The following ZNF10 variants were observed in gnomAD, a reference collection of about 807,000 sequenced individuals.
The protein encoded by ZNF10 is zinc finger protein 10.
A neutral mutation model predicts 12.2 loss-of-function variants in ZNF10; 8 were observed. That is an observed-to-expected ratio of 0.66 (90% CI 0.39 to 1.18). The LOEUF is 1.18. Ranked by LOEUF, ZNF10 falls within the 50% of genes most tolerant of loss-of-function variation. The pLI, the probability that ZNF10 is intolerant of heterozygous loss-of-function variation, is 0.01. For missense variants in ZNF10, 603 were observed against 678.9 expected (o/e 0.89, Z 1.24); for synonymous variants, 229 against 228.2 (o/e 1.00, Z -0.03).
intron 1 of ZNF10, 167 bp downstream of exon 1, chr12:133,130,921 C>T (rs992313050): frequency 1.3e-5 from 2 of 152,218 alleles, no homozygotes; most frequent in East Asian, 3.9e-4. Flanking sequence ...ACTTTCTGTC[C>T]CTCGCGCGGC....
rs374860643 is a variant in ZNF10, at chr12:133,151,917, C to G, written c.256+13C>G. On this transcript the variant is annotated intron_variant, in intron 4 of 4. Transcript: ENST00000248211. Reference sequence around the variant, plus strand: ...GAGACCCATCCTGGTGAGGACCAGTCAAGAGTTGTCATAGGCAGCAGCCCA... The same window carrying G: ...GAGACCCATCCTGGTGAGGACCAGTGAAGAGTTGTCATAGGCAGCAGCCCA... The G allele has an allele frequency of 6.2e-6, 10 of 1,609,316 alleles. No individual in the cohort carries two copies. In the African/African-American group the frequency reaches 1.2e-4, roughly 19 times the overall value.
rs1956045867 is a variant in ZNF10 at position 133,156,865 on chromosome 12, C to G, written c.1619C>G (p.Thr540Ser). The G allele has an allele frequency of 6.6e-7, 1 of 1,525,332 alleles. No homozygotes were observed. The highest frequency in any genetic ancestry group is 8.8e-7 in the Non-Finnish European group (1 of 1,139,682). 94.5% of individuals were successfully genotyped at this position (1,525,332 alleles called of 1,614,324 possible). A position where few individuals can be genotyped will look rare whatever the true frequency, so the allele number is the denominator to read the frequency against. ...TTTATAGTTCATCAAATAGCTCACA[C>G]TGGAGAGCAGTTCTTAACATGCAAT... The part of the protein sequence containing the change: ...SPFIVHQIAH[T>S]GEQFLTCNQC... Residue 540 changes from threonine (T) to serine (S), a missense_variant, in exon 5 of 5, where the codon ACT becomes AGT. By Grantham distance (58) the Thr-to-Ser change is moderately conservative (BLOSUM62 1). This residue lies in a region of ZNF10 where 204 missense variants were observed against 262.8 expected (regional missense o/e 0.78). Coordinates refer to ENST00000248211, the MANE Select transcript of ZNF10 (RefSeq NM_015394.5).
At chr12:133,151,988 C>A in intron 4 of ZNF10, 84 bp downstream of exon 4, 1 of 1,044,846 alleles carries the variant, frequency 9.6e-7, no homozygotes, top group Non-Finnish European at 1.4e-6. Context: ...TGGTCACTGG[C>A]CCTCCTCACA....
intron 1 of ZNF10, among the ~76,000 whole-genome samples, chr12:133,141,816 A>C (rs557638180): frequency 5.3e-4 from 80 of 152,288 alleles, no homozygotes; most frequent in African/African-American, 1.9e-3. Flanking sequence ...TAATGAAACT[A>C]TAAACCCGCA....
Position 133,156,622 on chromosome 12 carries a change from A to G in ZNF10, c.1376A>G (p.Lys459Arg), listed in dbSNP as rs776245582. Residue 459 changes from lysine (K) to arginine (R), a missense_variant, in exon 5 of 5, where the codon AAA becomes AGA. Coordinates refer to ENST00000248211, the MANE Select transcript of ZNF10 (RefSeq NM_015394.5). ...CATCAAAGAACCCACACTGGAGAGA[A>G]ACCATATGAGTGTCATGATTGTGGA... ...YSHQRTHTGEKPYECHDCGKS... is the reference protein window; with the variant it reads ...YSHQRTHTGERPYECHDCGKS... 2 of 1,614,136 alleles carry G rather than the reference A, an allele frequency of 1.2e-6. No individual in the cohort carries two copies. Among genetic ancestry groups the G allele is most frequent in the South Asian group, 2.2e-5 (2 of 91,080 alleles).
intron 1 of ZNF10, chr12:133,139,391 T>C (rs139735819): frequency 6.6e-6 from 1 of 152,290 alleles, no homozygotes; most frequent in Non-Finnish European, 1.5e-5. Flanking sequence ...ACCATAGTTA[T>C]AGGGAAATGT....
intron 1 of ZNF10, among the ~76,000 whole-genome samples, chr12:133,138,384 G>C (rs1955924680): frequency 7.3e-6 from 1 of 136,926 alleles, no homozygotes; most frequent in South Asian, 2.4e-4. Context: ...TTGAGACCCT[G>C]TCTAAAAAAA....
chr12:133,132,060 AT>A (rs1955881764), intron 1 of ZNF10, among the ~76,000 whole-genome samples: 1 of 152,202 alleles, frequency 6.6e-6, no homozygotes, highest in South Asian at 2.1e-4. Context: ...TAATAGATTG[AT>A]TGCCGTCCTC....
chr12:133,154,074 T>TTCTGA (rs1256115225), intron 4 of ZNF10, among the ~76,000 whole-genome samples: 1 of 151,296 alleles, frequency 6.6e-6, no homozygotes, highest in Non-Finnish European at 1.5e-5. Flanking sequence ...TATGGTCATA[T>TTCTGA]TCTGAGATAC....
rs771679845 is a variant in ZNF10, at chr12:133,151,062, T to TA, written c.68_69insA (p.Phe23LeufsTer26). On this transcript the variant is annotated frameshift_variant, in exon 3 of 5. Transcript: ENST00000248211. LOFTEE classifies it high-confidence loss of function. ...ACCTTCAAGGATGTATTTGTGGACT[T>TA]CACCAGGGAGGAGTGGAAGCTGCTG... 5.6e-6 allele frequency: 9 copies of TA among 1,613,332 alleles called. No individual in the cohort carries two copies. Among genetic ancestry groups the TA allele is most frequent in the Non-Finnish European group, 6.8e-6 (8 of 1,179,408 alleles).
At chr12:133,147,598 T>A (rs1427139077) in intron 2 of ZNF10, among the ~76,000 whole-genome samples, 1 of 149,814 alleles carries the variant, frequency 6.7e-6, no homozygotes, top group Non-Finnish European at 1.5e-5. Flanking sequence ...AAAACTAGTC[T>A]GTTTTCTGAG....
intron 1 of ZNF10, among the ~76,000 whole-genome samples, chr12:133,142,509 A>G (rs1048247821): frequency 6.6e-6 from 1 of 152,176 alleles, no homozygotes; most frequent in Non-Finnish European, 1.5e-5. Flanking sequence ...CAACTCAACA[A>G]TACACACAGC....
At chr12:133,135,622 T>TA (rs1435539485) in intron 1 of ZNF10, among the ~76,000 whole-genome samples, 1 of 152,188 alleles carries the variant, frequency 6.6e-6, no homozygotes, top group Non-Finnish European at 1.5e-5. Flanking sequence ...TTCTGACTCT[T>TA]ACCCCTTGTT....
At chr12:133,131,835 TAAATG>T (rs1955879491) in intron 1 of ZNF10, among the ~76,000 whole-genome samples, 2 of 152,338 alleles carry the variant, frequency 1.3e-5, no homozygotes, top group South Asian at 4.1e-4. Flanking sequence ...CATCATAAAT[TAAATG>T]AGAATTTCTG....
chr12:133,156,859 C>T lies in ZNF10; in HGVS notation c.1613C>T (p.Ala538Val). The T allele has an allele frequency of 6.5e-7, 1 of 1,527,934 alleles. No homozygotes were observed. Among genetic ancestry groups the T allele is most frequent in the Non-Finnish European group, 8.8e-7 (1 of 1,141,094 alleles). The allele number at this position is 1,527,934 out of a possible 1,614,324, so 94.6% of individuals were successfully genotyped here. Residue 538 changes from alanine to valine, a missense_variant, in exon 5 of 5, where the codon GCT becomes GTT. Ala to Val is a moderately conservative substitution (Grantham distance 64, BLOSUM62 0). This residue lies in a region of ZNF10 where 204 missense variants were observed against 262.8 expected (regional missense o/e 0.78). Coordinates refer to ENST00000248211, the MANE Select transcript of ZNF10 (RefSeq NM_015394.5). ...QNSPFIVHQI[A>V]HTGEQFLTCN... ...TCTCCATTTATAGTTCATCAAATAG[C>T]TCACACTGGAGAGCAGTTCTTAACA...
intron 1 of ZNF10, among the ~76,000 whole-genome samples, chr12:133,141,948 C>T (rs1330592035): frequency 6.6e-6 from 1 of 152,040 alleles, no homozygotes; most frequent in African/African-American, 2.4e-5. Context: ...AAGGAAAATA[C>T]ATGCTATATA....
chr12:133,139,879 A>G (rs186301244), intron 1 of ZNF10, among the ~76,000 whole-genome samples: 4 of 151,800 alleles, frequency 2.6e-5, no homozygotes, highest in Admixed American at 2.6e-4. Context: ...GGGCAACATA[A>G]TGAGACCCCT....
At chr12:133,143,977 C>A (rs12310357) in intron 1 of ZNF10, 94,694 of 152,200 alleles carry the variant, frequency 0.62, 30,863 homozygotes, top group African/African-American at 0.79. Context: ...GCTGCTGGAG[C>A]CTGCCATGTT....
chr12:133,138,547 T>G (rs936881333), intron 1 of ZNF10, among the ~76,000 whole-genome samples: 1 of 152,184 alleles, frequency 6.6e-6, no homozygotes, highest in African/African-American at 2.4e-5. Context: ...CTCATTATAT[T>G]GACTTGTAAT....
Sources: gnomAD v4.1 joint callset for allele counts (sites outside exome capture counted in the v4.1 genomes callset) on GRCh38, gnomAD v4.1.1 for gene constraint, gnomAD v4.1.1 regional missense constraint, MANE v1.5 for transcripts, NCBI Gene and HGNC (gene_info 2026-07-23, HGNC 2026-07-21) for gene names.